RAB3GAP2: variants seen among roughly 807,000 people sequenced by gnomAD.
The protein encoded by RAB3GAP2 is rab3 GTPase-activating protein non-catalytic subunit.
A neutral mutation model predicts 185.3 loss-of-function variants in RAB3GAP2; 87 were observed. The observed-to-expected ratio is 0.47, with a 90% confidence interval of 0.39 to 0.56. The LOEUF (loss-of-function observed/expected upper bound fraction) is 0.56, where lower values mean the gene tolerates loss of function less well. Ranked by LOEUF, RAB3GAP2 falls within the 20% of genes least tolerant of loss-of-function variation. The pLI is 0.00. For synonymous variants in RAB3GAP2, 554 were observed against 576.1 expected, an observed-to-expected ratio of 0.96 and a Z score of 0.55; for missense variants, 1,492 against 1,638.2, an observed-to-expected ratio of 0.91 and a Z score of 1.54.
chr1:220,159,399 C>T lies in RAB3GAP2; in HGVS notation c.3248G>A (p.Arg1083Lys). The T allele has an allele frequency of 1.2e-6, 2 of 1,605,242 alleles. No homozygotes were observed. Among genetic ancestry groups the T allele is most frequent in the Non-Finnish European group, 1.7e-6 (2 of 1,172,598 alleles). Reference protein sequence around the residue: ...MDKVGKSPKDRLCRRDVGMSD... With the variant: ...MDKVGKSPKDKLCRRDVGMSD... ...AGATTCACTTACCCTTCGGCATAAC[C>T]TATCTTTTGGTGATTTTCCAACCTA... is the stretch of plus-strand genomic sequence containing the variant. Residue 1083 changes from arginine (R) to lysine (K), a missense_variant, in exon 29 of 35, where the codon AGG (arginine) becomes AAG (lysine). Arg to Lys is a conservative substitution (Grantham distance 26, BLOSUM62 2). Transcript: ENST00000358951.
intron 1 of RAB3GAP2, chr1:220,267,756 G>A (rs979237843): frequency 4.3e-5 from 66 of 1,537,484 alleles, no homozygotes; most frequent in African/African-American, 2.2e-4. Flanking sequence ...AACACGCTGC[G>A]AAGAATTTGA....
chr1:220,251,090 G>A (rs1387031517), intron 1 of RAB3GAP2, among the ~76,000 whole-genome samples: 1 of 152,192 alleles, frequency 6.6e-6, no homozygotes. Flanking sequence ...AAGGAGGCAA[G>A]TATTTCTGAC....
At chr1:220,183,583 C>T (rs1057355793) in intron 19 of RAB3GAP2, among the ~76,000 whole-genome samples, 2 of 152,004 alleles carry the variant, frequency 1.3e-5, no homozygotes, top group African/African-American at 4.8e-5. Flanking sequence ...ACATGTATTA[C>T]TGTATAATCA....
At chr1:220,263,036 CT>C (rs975808411) in intron 1 of RAB3GAP2, among the ~76,000 whole-genome samples, 5 of 151,174 alleles carry the variant, frequency 3.3e-5, no homozygotes, top group African/African-American at 9.7e-5. Context: ...GTTTGCATCA[CT>C]CTGATGATTA....
rs376492420 is a variant in RAB3GAP2, at chr1:220,253,502, T to C, written c.115+18721A>G. On this transcript the variant is annotated intron_variant, in intron 1 of 34. Coordinates refer to ENST00000358951, the MANE Select transcript of RAB3GAP2 (RefSeq NM_012414.4). ...ACGGCGCGTCTGACGCGGAGTTGGG[T>C]GGGGTAGAGAGTAGGGGGCGGTAGT... The C allele has an allele frequency of 2.2e-6, 3 of 1,349,252 alleles. No homozygotes were observed. The African/African-American group carries it at 7.6e-5, about 34-fold the overall frequency. The allele number at this position is 1,349,252 out of a possible 1,614,324, so 83.6% of individuals were successfully genotyped here.
chr1:220,155,042 A>C (rs1354134433), intron 31 of RAB3GAP2, among the ~76,000 whole-genome samples: 2 of 152,310 alleles, frequency 1.3e-5, no homozygotes, highest in Admixed American at 1.3e-4. Flanking sequence ...CCTTTTAAAA[A>C]CACTTGTTGA....
At chr1:220,249,880 G>A (rs1222563982) in intron 1 of RAB3GAP2, among the ~76,000 whole-genome samples, 1 of 152,202 alleles carries the variant, frequency 6.6e-6, no homozygotes, top group African/African-American at 2.4e-5. Flanking sequence ...ATCAAGAACT[G>A]AGGTTGAGGA....
chr1:220,228,403 G>C (rs570023168), intron 2 of RAB3GAP2, among the ~76,000 whole-genome samples: 19 of 152,140 alleles, frequency 1.2e-4, no homozygotes, highest in Non-Finnish European at 2.6e-4. Context: ...ATTTCTAATA[G>C]TCCTGGTATA....
At chr1:220,175,447 G>A (rs1167240868) in intron 21 of RAB3GAP2, among the ~76,000 whole-genome samples, 1 of 151,924 alleles carries the variant, frequency 6.6e-6, no homozygotes, top group Non-Finnish European at 1.5e-5. Flanking sequence ...TCGAACTCCT[G>A]ACCTCGTGAT....
chr1:220,149,249 TTAGGATAACAAATCTAAC>T lies in RAB3GAP2; in HGVS notation c.*1984_*2001del, dbSNP rs1657693617. The stretch of plus-strand genomic sequence containing the variant: ...AGATTTTAAAATTCTATGAAAAATT[TTAGGATAACAAATCTAAC>T]TAGAGACTTAATGATTTGTGTTAGG... On this transcript the variant is annotated 3_prime_UTR_variant, in exon 35 of 35. Transcript: ENST00000358951. 1 of 152,164 alleles carries T rather than the reference TTAGGATAACAAATCTAAC, an allele frequency of 6.6e-6. No individual in the cohort carries two copies. The highest frequency in any genetic ancestry group is 6.5e-5 in the Admixed American group (1 of 15,278). 9.4% of individuals were successfully genotyped at this position (152,164 alleles called of 1,614,324 possible).
chr1:220,215,910 C>T (rs1490743422), intron 2 of RAB3GAP2, among the ~76,000 whole-genome samples: 1 of 152,042 alleles, frequency 6.6e-6, no homozygotes, highest in African/African-American at 2.4e-5. Flanking sequence ...TTTTTAAAAA[C>T]TTGTAATAAG....
chr1:220,171,115 G>T lies in RAB3GAP2; in HGVS notation c.2583C>A (p.Ser861=). The change falls in exon 24 of 35, where the codon TCC becomes TCA. Residue 861 remains serine, a synonymous_variant. Coordinates refer to ENST00000358951, the MANE Select transcript of RAB3GAP2 (RefSeq NM_012414.4). ...ISNNMTEKKF[S]QTVLGADSEA... ...CTGAATCAGCACCCAAAACTGTTTG[G>T]GAAAACTAATAAAAAATGCACTGGT... 1 of 1,613,796 alleles carries T rather than the reference G, an allele frequency of 6.2e-7. No individual in the cohort carries two copies. The highest frequency in any genetic ancestry group is 8.5e-7 in the Non-Finnish European group (1 of 1,179,744).
In RAB3GAP2 at chr1:220,212,499, AT is replaced by A. The variant is rs557741779; in HGVS notation, c.386+387del. Among the ~76,000 whole-genome samples, 300 of 148,040 alleles carry A rather than the reference AT, an allele frequency of 2.0e-3. 2 individuals are homozygous for A. The highest frequency in any genetic ancestry group is 5.2e-3 in the African/African-American group (213 of 40,836). ...TGAAATTTCTTTCTTATTCTAAAAA[AT>A]TTTTTTTTTTAAGAGACAGGGTGTC... is the stretch of plus-strand genomic sequence containing the variant. On this transcript the variant is annotated intron_variant, in intron 4 of 34. Transcript: ENST00000358951.
At chr1:220,155,780 A>T (rs1403853916) in intron 31 of RAB3GAP2, among the ~76,000 whole-genome samples, 1 of 152,110 alleles carries the variant, frequency 6.6e-6, no homozygotes, top group African/African-American at 2.4e-5. Context: ...ATGGGTTGAA[A>T]CTAAACATTA....
In RAB3GAP2 at chr1:220,255,807, T is replaced by C. The variant is rs1327970548; in HGVS notation, c.115+16416A>G. On this transcript the variant is annotated intron_variant, in intron 1 of 34. Coordinates refer to ENST00000358951, the MANE Select transcript of RAB3GAP2 (RefSeq NM_012414.4). The stretch of plus-strand genomic sequence containing the variant: ...ATAAAGAGACCAAATCTATGACTGA[T>C]TGGGGTACCTGAAAGAGATGGAGAG... Among the ~76,000 whole-genome samples, 6 of 152,276 alleles carry C rather than the reference T, an allele frequency of 3.9e-5. No homozygotes were observed. In the East Asian group the frequency reaches 7.7e-4, roughly 20 times the overall value.
chr1:220,157,458 G>T lies in RAB3GAP2; in HGVS notation c.3367C>A (p.Pro1123Thr), dbSNP rs768952812. Residue 1123 changes from proline (P) to threonine (T), a missense_variant, in exon 31 of 35, where the codon CCT (proline) becomes ACT (threonine). Transcript: ENST00000358951. ...CACGCATCCTCAGTATCCAGCACAG[G>T]CACCTGTATTTCATCCCTGCTAACA... is the stretch of plus-strand genomic sequence containing the variant. ...ADVSRDEIQV[P>T]VLDTEDAWLS... 1.1e-5 allele frequency: 17 copies of T among 1,613,528 alleles called. No homozygotes were observed. The highest frequency in any genetic ancestry group is 4.2e-6 in the Non-Finnish European group (5 of 1,179,996).
chr1:220,267,021 T>C (rs527448002), intron 1 of RAB3GAP2: 2 of 1,611,426 alleles, frequency 1.2e-6, no homozygotes, highest in Non-Finnish European at 1.7e-6. Flanking sequence ...CTTCAATCAT[T>C]TCGGGGGGCA....
At chr1:220,228,326 T>C (rs1454198630) in intron 2 of RAB3GAP2, among the ~76,000 whole-genome samples, 2 of 152,228 alleles carry the variant, frequency 1.3e-5, no homozygotes, top group Non-Finnish European at 2.9e-5. Flanking sequence ...GAGCTGGTTA[T>C]AGTTCTGGAG....
chr1:220,231,154 C>T lies in RAB3GAP2; in HGVS notation c.180+1645G>A, dbSNP rs1045492466. ...TAAACACCAAATTCACAAAGCTTGA[C>T]ATCTGGCCTGCTTTCTTCTCTGCCC... is the stretch of plus-strand genomic sequence containing the variant. On this transcript the variant is annotated intron_variant, in intron 2 of 34. Transcript: ENST00000358951. Among the ~76,000 whole-genome samples, 5 of 152,342 alleles carry T rather than the reference C, an allele frequency of 3.3e-5. No homozygotes were observed. The East Asian group carries it at 7.7e-4, about 23-fold the overall frequency.
Sources: allele counts gnomAD v4.1 joint callset (sites outside exome capture counted in the v4.1 genomes callset), GRCh38; gene constraint gnomAD v4.1.1; transcripts MANE v1.5; gene names NCBI Gene and HGNC (gene_info 2026-07-23, HGNC 2026-07-21).